The following SH3BP2 variants were observed in gnomAD, a reference collection of about 807,000 sequenced individuals.
The protein encoded by SH3BP2 is SH3 domain-binding protein 2.
Under a neutral mutation model 56.2 loss-of-function variants are expected in SH3BP2, and 38 were observed. The observed-to-expected ratio is 0.68, with a 90% confidence interval of 0.52 to 0.89. The LOEUF is 0.89. SH3BP2 is among the 40% of genes least tolerant of loss of function. The pLI is 0.00. For missense variants in SH3BP2, 748 were observed against 762.6 expected, an observed-to-expected ratio of 0.98 and a Z score of 0.23; for synonymous variants, 346 against 316.7, an observed-to-expected ratio of 1.09 and a Z score of -0.98.
intron 1 of SH3BP2, chr4:2,818,777 G>A (rs1724140844): frequency 2.0e-6 from 2 of 987,578 alleles, no homozygotes; most frequent in Admixed American, 6.1e-5. Flanking sequence ...CCTGCCCAGA[G>A]GGGCTGTCTT....
At position 2,807,228 on chromosome 4, in the gene SH3BP2, G is replaced by A. The variant is rs558662335; in HGVS notation, c.-4-13386G>A. ...GTGTGGAAGGGCCTCAGCTGCGGCC[G>A]TGCTGCACTCCAGTTCTTTGAAAAC... On this transcript the variant is annotated intron_variant, in intron 1 of 12. Coordinates refer to ENST00000503393, the MANE Select transcript of SH3BP2 (RefSeq NM_001122681.2). Among the ~76,000 whole-genome samples the A allele has an allele frequency of 3.7e-4, 56 of 152,334 alleles. No homozygotes were observed. In the South Asian group the frequency reaches 9.9e-3, roughly 27 times the overall value.
chr4:2,800,559 C>T (rs558909557), intron 1 of SH3BP2, among the ~76,000 whole-genome samples: 5 of 150,046 alleles, frequency 3.3e-5, no homozygotes, highest in East Asian at 3.9e-4. Flanking sequence ...GCCCCCCCCC[C>T]GGGCTGATGA....
At chr4:2,818,787 T>A (rs1724141405) in intron 1 of SH3BP2, 1 of 987,110 alleles carries the variant, frequency 1.0e-6, no homozygotes, top group Non-Finnish European at 1.2e-6. Flanking sequence ...GGGGCTGTCT[T>A]TGGGTGCAGA....
chr4:2,804,938 C>T (rs1008854785), intron 1 of SH3BP2, among the ~76,000 whole-genome samples: 4 of 152,238 alleles, frequency 2.6e-5, no homozygotes, highest in African/African-American at 9.6e-5. Flanking sequence ...GAGCAGTTGG[C>T]GATGGAGCGG....
chr4:2,827,432 G>T, intron 6 of SH3BP2, 114 bp downstream of exon 6: 1 of 1,234,658 alleles, frequency 8.1e-7, no homozygotes, highest in South Asian at 1.2e-5. Flanking sequence ...CTGGCCCTTT[G>T]GCAGTGCGCA....
chr4:2,799,867 C>A (rs190120578), intron 1 of SH3BP2, among the ~76,000 whole-genome samples: 386 of 152,296 alleles, frequency 2.5e-3, no homozygotes, highest in African/African-American at 8.1e-3. Flanking sequence ...GTGAAAGACA[C>A]CCTGGTTTTG....
chr4:2,840,333 A>T lies in SH3BP2; in HGVS notation c.*6499A>T, dbSNP rs1192686523. On this transcript the variant is annotated 3_prime_UTR_variant, in exon 13 of 13. Coordinates refer to ENST00000503393, the MANE Select transcript of SH3BP2 (RefSeq NM_001122681.2). ...TATATTCTGAAATCCTTATAAATGT[A>T]AATTTCATATTTAGGCCTTTAATTC... 2 of 151,918 alleles carry T rather than the reference A, an allele frequency of 1.3e-5. No individual in the cohort carries two copies. Among genetic ancestry groups the T allele is most frequent in the Non-Finnish European group, 2.9e-5 (2 of 67,966 alleles). The allele number at this position is 151,918 out of a possible 1,614,324, so 9.4% of individuals were successfully genotyped here.
chr4:2,813,602 T>C (rs1395705063), intron 1 of SH3BP2, among the ~76,000 whole-genome samples: 2 of 152,210 alleles, frequency 1.3e-5, no homozygotes, highest in Admixed American at 6.5e-5. Context: ...GATGATTCTG[T>C]GCTCAGGCTT....
In SH3BP2 at chr4:2,833,037, C is replaced by CA; in HGVS notation, c.1537dup (p.Ile513AsnfsTer3). ...CCTCTAACAAAGTGAGGAACTATCG[C>CA]ATTTTTGAGAAGGTGAGAGGGCTCT... On this transcript the variant is annotated frameshift_variant, in exon 12 of 13. Transcript: ENST00000503393. LOFTEE classifies it high-confidence loss of function. 6.2e-7 allele frequency: 1 copy of CA among 1,614,178 alleles called. No individual in the cohort carries two copies. The highest frequency in any genetic ancestry group is 8.5e-7 in the Non-Finnish European group (1 of 1,180,004).
At chr4:2,803,722 TGCAACCC>T (rs1723417624) in intron 1 of SH3BP2, among the ~76,000 whole-genome samples, 1 of 151,980 alleles carries the variant, frequency 6.6e-6, no homozygotes, top group Admixed American at 6.5e-5. Context: ...TTCTCTTACC[TGCAACCC>T]CAGGGCCTTT....
At chr4:2,833,586 T>C (rs906792877) in intron 12 of SH3BP2, 111 bp from the exon 13 acceptor site, 7 of 1,423,656 alleles carry the variant, frequency 4.9e-6, no homozygotes, top group African/African-American at 4.2e-5. Flanking sequence ...GGGGCCAGCC[T>C]GGTGATGCCG....
intron 1 of SH3BP2, among the ~76,000 whole-genome samples, chr4:2,819,352 C>A (rs1724176218): frequency 6.6e-6 from 1 of 152,208 alleles, no homozygotes; most frequent in Non-Finnish European, 1.5e-5. Flanking sequence ...CCTAGAGCAG[C>A]TGGGACTACA....
At position 2,841,065 on chromosome 4, in the gene SH3BP2, T is replaced by G. The variant is rs1442451635; in HGVS notation, c.*7231T>G. 1 of 152,230 alleles carries G rather than the reference T, an allele frequency of 6.6e-6. No homozygotes were observed. Among genetic ancestry groups the G allele is most frequent in the African/African-American group, 2.4e-5 (1 of 41,454 alleles). 9.4% of individuals were successfully genotyped at this position (152,230 alleles called of 1,614,324 possible). A position where few individuals can be genotyped will look rare whatever the true frequency, so the allele number is the denominator to read the frequency against. On this transcript the variant is annotated 3_prime_UTR_variant, in exon 13 of 13. Coordinates refer to ENST00000503393, the MANE Select transcript of SH3BP2 (RefSeq NM_001122681.2). Reference sequence around the variant, plus strand: ...AGCATTTTGTCCATTGTGTATTTAATGTAATTAAATCTACCATCTTATTTT... The same window carrying G: ...AGCATTTTGTCCATTGTGTATTTAAGGTAATTAAATCTACCATCTTATTTT...
chr4:2,810,818 GGGCAGT>G lies in SH3BP2; in HGVS notation c.-4-9792_-4-9787del, dbSNP rs1410512831. Among the ~76,000 whole-genome samples, 1 of 152,196 alleles carries G rather than the reference GGGCAGT, an allele frequency of 6.6e-6. No individual in the cohort carries two copies. The highest frequency in any genetic ancestry group is 2.4e-5 in the African/African-American group (1 of 41,462). Reference sequence around the variant, plus strand: ...AACTGCCTGCCTCATCGTCCAGGCTGGGCAGTGGCCCAGGGGTTCCTCACCTGCTGT... The same window carrying G: ...AACTGCCTGCCTCATCGTCCAGGCTGGGCCCAGGGGTTCCTCACCTGCTGT... On this transcript the variant is annotated intron_variant, in intron 1 of 12. Coordinates refer to ENST00000503393, the MANE Select transcript of SH3BP2 (RefSeq NM_001122681.2). This position sits in a 1 kb window ranked among gnomAD's most constrained non-coding sequence, Gnocchi z 4.2.
At chr4:2,828,349 C>T (rs1709003) in intron 7 of SH3BP2, among the ~76,000 whole-genome samples, 70,439 of 151,720 alleles carry the variant, frequency 0.46, 16,776 homozygotes, top group Admixed American at 0.57. Flanking sequence ...TGGCCTCTGC[C>T]GACCCCAGCC....
chr4:2,805,521 A>G (rs1223444533), intron 1 of SH3BP2, among the ~76,000 whole-genome samples: 1 of 152,186 alleles, frequency 6.6e-6, no homozygotes, highest in Non-Finnish European at 1.5e-5. Context: ...AGGTCTGTTC[A>G]TGCTGCAGGA....
chr4:2,794,146 T>C (rs1342830505), intron 1 of SH3BP2: 1 of 150,354 alleles, frequency 6.7e-6, no homozygotes, highest in Non-Finnish European at 1.5e-5. Flanking sequence ...CTGGATGACA[T>C]GTGTGTGGCC....
chr4:2,812,466 C>T lies in SH3BP2; in HGVS notation c.-4-8148C>T, dbSNP rs764614647. ...GAGGACGGAGGGCCATGTGTTGGGT[C>T]AGCACCATCAGGTCAGTGGGGCGGC... On this transcript the variant is annotated intron_variant, in intron 1 of 12. Transcript: ENST00000503393. 56 of 1,550,026 alleles carry T rather than the reference C, an allele frequency of 3.6e-5. No homozygotes were observed. Among genetic ancestry groups the T allele is most frequent in the Non-Finnish European group, 1.2e-5 (14 of 1,146,694 alleles).
rs1235042756 is a variant in SH3BP2, at chr4:2,829,853, C to T, written c.947C>T (p.Ser316Phe). 9 of 1,613,714 alleles carry T rather than the reference C, an allele frequency of 5.6e-6. No individual in the cohort carries two copies. In the Admixed American group the frequency reaches 1.5e-4, roughly 27 times the overall value. Residue 316 changes from serine to phenylalanine, a missense_variant, in exon 8 of 13, where the codon TCC becomes TTC. Physicochemically the swap from Ser to Phe is radical, Grantham distance 155. This residue lies in a region of SH3BP2 where 635 missense variants were observed against 615.0 expected (regional missense o/e 1.03). Coordinates refer to ENST00000503393, the MANE Select transcript of SH3BP2 (RefSeq NM_001122681.2). This position sits in a 1 kb window ranked among gnomAD's most constrained non-coding sequence, Gnocchi z 4.9. ...TGGACCCCTGGCCACGGGGCCTGCT[C>T]CACTTCCAGTGCTGCCATCATGGCC... ...EPWTPGHGAC[S>F]TSSAAIMATA...
Sources: gnomAD v4.1 joint callset for allele counts (sites outside exome capture counted in the v4.1 genomes callset) on GRCh38, gnomAD v4.1.1 for gene constraint, gnomAD v4.1.1 regional missense constraint, Gnocchi (gnomAD v3.1) non-coding constraint, MANE v1.5 for transcripts, NCBI Gene and HGNC (gene_info 2026-07-23, HGNC 2026-07-21) for gene names.